NR0B1: variants seen among roughly 807,000 people sequenced by gnomAD.
NR0B1 encodes the protein nuclear receptor subfamily 0 group B member 1, also known as DSS-AHC critical region on the X chromosome protein 1.
In NR0B1, 3 loss-of-function variants were observed where a neutral mutation model predicts 23.0. The observed-to-expected ratio is 0.13, with a 90% CI of 0.06 to 0.34. The LOEUF (loss-of-function observed/expected upper bound fraction) is 0.34. Among genes scored for constraint, NR0B1 ranks in the 10% least tolerant of loss-of-function variants. The probability of loss-of-function intolerance (pLI) is 1.00; values close to 1 mark genes in which losing one functional copy is unlikely to be tolerated. For missense variants in NR0B1, 350 were observed against 402.9 expected (o/e 0.87, Z 1.12); for synonymous variants, 205 against 184.0 (o/e 1.11, Z -0.92).
chrX:30,308,664 G>A lies in NR0B1; in HGVS notation c.700C>T (p.Pro234Ser). Residue 234 changes from proline (P) to serine (S), a missense_variant, in exon 1 of 2, where the codon CCC becomes TCC. Coordinates refer to ENST00000378970, the MANE Select transcript of NR0B1 (RefSeq NM_000475.5). Reference protein sequence around the residue: ...QAAPEERPRAPWWDTSSGALR... With the variant: ...QAAPEERPRASWWDTSSGALR... ...GCACCAGAGGAGGTGTCCCACCAGG[G>A]GGCCCTCGGCCGCTCCTCCGGAGCC... 1 of 1,202,952 alleles carries A rather than the reference G, an allele frequency of 8.3e-7. No individual in the cohort carries two copies. The highest frequency in any genetic ancestry group is 1.1e-6 in the Non-Finnish European group (1 of 891,692).
chrX:30,304,562 G>C lies in NR0B1; in HGVS notation c.*17C>G. On this transcript the variant is annotated 3_prime_UTR_variant, in exon 2 of 2. Coordinates refer to ENST00000378970, the MANE Select transcript of NR0B1 (RefSeq NM_000475.5). ...CATGGTGAACTGCACTACTGCACTT[G>C]TGTGGCCCACATGACTTTATATCTT... The C allele has an allele frequency of 8.3e-7, 1 of 1,210,386 alleles. No homozygotes were observed. The highest frequency in any genetic ancestry group is 1.1e-6 in the Non-Finnish European group (1 of 894,422).
At chrX:30,304,963 A>T in intron 1 of NR0B1, 140 bp from the exon 2 acceptor site, 1 of 672,647 alleles carries the variant, frequency 1.5e-6, no homozygotes, top group Non-Finnish European at 2.2e-6. Context: ...AGGCCAAACC[A>T]GTCTACGTTT....
rs367648839 is a variant in NR0B1 at position 30,304,545 on chromosome X, A to T, written c.*34T>A. ...GCTCTTTATTCTTCCCTCATGGTGA[A>T]CTGCACTACTGCACTTGTGTGGCCC... On this transcript the variant is annotated 3_prime_UTR_variant, in exon 2 of 2. Transcript: ENST00000378970. The T allele has an allele frequency of 8.3e-6, 10 of 1,201,121 alleles. No homozygotes were observed. Among genetic ancestry groups the T allele is most frequent in the Non-Finnish European group, 1.1e-5 (10 of 887,620 alleles).
chrX:30,307,819 T>C (rs763127404), intron 1 of NR0B1, among the ~76,000 whole-genome samples: 20 of 112,370 alleles, frequency 1.8e-4, no homozygotes, highest in Non-Finnish European at 3.2e-4. Context: ...AAATCGATGT[T>C]GCAGAATCTT....
At position 30,309,387 on chromosome X, in the gene NR0B1, T is replaced by C; in HGVS notation, c.-24A>G. On this transcript the variant is annotated 5_prime_UTR_variant, in exon 1 of 2. Transcript: ENST00000378970. ...ATGGCCCGCGGCGCCCGTAGCCCAG[T>C]TCTGCCCAGTGGCTGCCTCCTGGGA... is the stretch of plus-strand genomic sequence containing the variant. 1 of 1,183,950 alleles carries C rather than the reference T, an allele frequency of 8.4e-7. No homozygotes were observed. The highest frequency in any genetic ancestry group is 1.8e-5 in the South Asian group (1 of 54,850).
Position 30,308,564 on chromosome X carries a change from C to A in NR0B1, c.800G>T (p.Arg267Leu). 1 of 1,207,714 alleles carries A rather than the reference C, an allele frequency of 8.3e-7. No individual in the cohort carries two copies. The highest frequency in any genetic ancestry group is 1.8e-5 in the South Asian group (1 of 56,319). ...AASAGLLKTLRFVKYLPCFQV... is the reference protein window; with the variant it reads ...AASAGLLKTLLFVKYLPCFQV... ...GAAGCAGGGCAAGTACTTGACGAAG[C>A]GCAGCGTCTTCAACAGGCCCGCTGA... Residue 267 changes from arginine to leucine, a missense_variant, in exon 1 of 2, where the codon CGC becomes CTC. By Grantham distance (102) the Arg-to-Leu change is moderately radical. Coordinates refer to ENST00000378970, the MANE Select transcript of NR0B1 (RefSeq NM_000475.5).
Position 30,309,250 on chromosome X carries a change from G to A in NR0B1, c.114C>T (p.Cys38=), listed in dbSNP as rs6150. The change falls in exon 1 of 2, where the codon TGC becomes TGT. Residue 38 remains cysteine, a synonymous_variant. Coordinates refer to ENST00000378970, the MANE Select transcript of NR0B1 (RefSeq NM_000475.5). ...GCTCATCGCCGCACGAACAGCCCCA[G>A]CACTGATCCACCAGCCGCGTCTCTG... is the stretch of plus-strand genomic sequence containing the variant. The part of the protein sequence containing the change: ...EAPETRLVDQ[C]WGCSCGDEPG... 220,868 of 1,205,518 alleles carry A rather than the reference G, an allele frequency of 0.18. 14,961 individuals carry two copies. The highest frequency in any genetic ancestry group is 0.2 in the Non-Finnish European group (180,383 of 893,078).
rs941402635 is a variant in NR0B1, at chrX:30,305,162, G to A, written c.1169-339C>T. Among the ~76,000 whole-genome samples the A allele has an allele frequency of 8.0e-5, 9 of 112,695 alleles. No homozygotes were observed. The South Asian group carries it at 1.1e-3, about 14-fold the overall frequency. On this transcript the variant is annotated intron_variant, in intron 1 of 1. Coordinates refer to ENST00000378970, the MANE Select transcript of NR0B1 (RefSeq NM_000475.5). ...TCTATGCAAATATGAAGAAGTTCAT[G>A]ATATTTCAAGAGGTGGGCACTTTAC... is the stretch of plus-strand genomic sequence containing the variant.
Position 30,309,095 on chromosome X carries a change from G to T in NR0B1, c.269C>A (p.Thr90Lys), listed in dbSNP as rs1926596339. 8.3e-7 allele frequency: 1 copy of T among 1,200,218 alleles called. No homozygotes were observed. The highest frequency in any genetic ancestry group is 1.8e-5 in the African/African-American group (1 of 54,868). ...LYSMLTSAKQ[T>K]YAAPKAPEAT... Reference sequence around the variant, plus strand: ...CTCGGGCGCCTTCGGTGCCGCGTACGTTTGCTTTGCGCTCGTCAGCATGCT... The same window carrying T: ...CTCGGGCGCCTTCGGTGCCGCGTACTTTTGCTTTGCGCTCGTCAGCATGCT... The change falls in exon 1 of 2, where the codon ACG (threonine) becomes AAG (lysine). Residue 90 changes from threonine to lysine, a missense_variant. This residue lies in a region of NR0B1 where 298 missense variants were observed against 314.0 expected (regional missense o/e 0.95). Transcript: ENST00000378970.
chrX:30,305,641 G>A, intron 1 of NR0B1: 1 of 326,929 alleles, frequency 3.1e-6, no homozygotes, highest in Non-Finnish European at 5.3e-6. Context: ...GTGTGATACC[G>A]AAGTAAAAGT....
At chrX:30,305,808 G>A (rs1056724510) in intron 1 of NR0B1, 1 of 470,644 alleles carries the variant, frequency 2.1e-6, no homozygotes. Context: ...TTGACCACTT[G>A]GTTTAAATGA....
rs752196913 is a variant in NR0B1, at chrX:30,308,067, G to T, written c.1168+129C>A. 8 of 558,100 alleles carry T rather than the reference G, an allele frequency of 1.4e-5. No individual in the cohort carries two copies. The East Asian group carries it at 2.8e-4, about 20-fold the overall frequency. The allele number at this position is 558,100 out of a possible 1,213,427, so 46.0% of individuals were successfully genotyped here. A position where few individuals can be genotyped will look rare whatever the true frequency, so the allele number is the denominator to read the frequency against. On this transcript the variant is annotated intron_variant, in intron 1 of 1. Coordinates refer to ENST00000378970, the MANE Select transcript of NR0B1 (RefSeq NM_000475.5). ...ACCCCAACTCTGCTGAGTTAGTCAC[G>T]ATTTCTTCACCTTTGCCCCGACACT...
chrX:30,305,220 G>T (rs1444699803), intron 1 of NR0B1, among the ~76,000 whole-genome samples: 2 of 112,531 alleles, frequency 1.8e-5, no homozygotes, highest in African/African-American at 6.5e-5. Context: ...AACAAGAAGT[G>T]TTGCCATGAG....
intron 1 of NR0B1, among the ~76,000 whole-genome samples, 194 bp from the exon 2 acceptor site, chrX:30,305,017 T>C (rs1328524625): frequency 1.8e-5 from 2 of 112,736 alleles, no homozygotes. Context: ...GTGATCTTAC[T>C]TAATATTTAC....
chrX:30,305,106 C>T (rs1926496737), intron 1 of NR0B1, among the ~76,000 whole-genome samples: 2 of 112,612 alleles, frequency 1.8e-5, no homozygotes, highest in Admixed American at 9.3e-5. Context: ...CAGTAGAATA[C>T]GGTTTAATGA....
chrX:30,309,130 G>A lies in NR0B1; in HGVS notation c.234C>T (p.Ser78=). 1.7e-6 allele frequency: 2 copies of A among 1,198,514 alleles called. No homozygotes were observed. Among genetic ancestry groups the A allele is most frequent in the Non-Finnish European group, 2.2e-6 (2 of 890,496 alleles). ...CGCTCGTCAGCATGCTGTAGAGGAT[G>A]CTGCCCTGCCGTGGGTGGTCTTTAC... ...FCGKDHPRQG[S]ILYSMLTSAK... is the part of the protein sequence containing the mutation. The change falls in exon 1 of 2, where the codon AGC becomes AGT. Residue 78 remains serine (S), a synonymous_variant. Transcript: ENST00000378970.
Position 30,308,305 on chromosome X carries a change from G to A in NR0B1, c.1059C>T (p.Pro353=). ...TGATGGCTTGGACCTGGGAGGCGGA[G>A]GGCACCTTCCTGGCCTCCGCCGGCG... ...LAPPAEARKV[P]SASQVQAIKC... The change falls in exon 1 of 2, where the codon CCC becomes CCT. Residue 353 remains proline, a synonymous_variant. Transcript: ENST00000378970. 1 of 1,210,988 alleles carries A rather than the reference G, an allele frequency of 8.3e-7. No individual in the cohort carries two copies. The highest frequency in any genetic ancestry group is 1.1e-6 in the Non-Finnish European group (1 of 894,446).
intron 1 of NR0B1, 132 bp from the exon 2 acceptor site, chrX:30,304,955 G>A (rs1361860824): frequency 2.7e-6 from 2 of 732,948 alleles, no homozygotes; most frequent in Non-Finnish European, 2.0e-6. Flanking sequence ...AGGGTAAAAG[G>A]CCAAACCAGT....
chrX:30,306,837 C>T (rs978916918), intron 1 of NR0B1, among the ~76,000 whole-genome samples: 3 of 111,158 alleles, frequency 2.7e-5, no homozygotes, highest in East Asian at 5.6e-4. Flanking sequence ...AGACCCTGGG[C>T]CAGAGCTACT....
Sources: allele counts gnomAD v4.1 joint callset (sites outside exome capture counted in the v4.1 genomes callset), GRCh38; gene constraint gnomAD v4.1.1; regional missense constraint gnomAD v4.1.1; transcripts MANE v1.5; gene names NCBI Gene and HGNC (gene_info 2026-07-23, HGNC 2026-07-21).